Variants in NBL1 observed in about 807,000 individuals in gnomAD.
The protein encoded by NBL1 is neuroblastoma suppressor of tumorigenicity 1.
Under a neutral mutation model 16.0 loss-of-function variants are expected in NBL1, and 9 were observed. That is an observed-to-expected ratio of 0.56 (90% CI 0.34 to 0.98). The LOEUF is 0.98. Among genes scored for constraint, NBL1 ranks in the 50% least tolerant of loss-of-function variants. The pLI is 0.02. For synonymous variants in NBL1, 86 were observed against 100.7 expected (o/e 0.85, Z 0.87); for missense variants, 196 against 243.1 (o/e 0.81, Z 1.29).
At chr1:19,647,486 C>T (rs2094988019) in intron 1 of NBL1, 1 of 323,326 alleles carries the variant, frequency 3.1e-6, no homozygotes. Context: ...ATTTGAACCC[C>T]AGTCTGTCAT....
intron 1 of NBL1, among the ~76,000 whole-genome samples, chr1:19,650,902 G>T (rs950467337): frequency 1.3e-5 from 2 of 152,228 alleles, no homozygotes; most frequent in Admixed American, 6.5e-5. Flanking sequence ...GCGGAGGCAG[G>T]TGTGTCTGGA....
intron 1 of NBL1, chr1:19,646,120 C>T (rs921723955): frequency 4.1e-6 from 6 of 1,463,622 alleles, no homozygotes; most frequent in African/African-American, 1.4e-5. Flanking sequence ...GGCACGGGGT[C>T]GGCCCTGTGT....
intron 1 of NBL1, chr1:19,646,027 G>A (rs1320252009): frequency 1.9e-6 from 3 of 1,550,532 alleles, no homozygotes; most frequent in East Asian, 4.9e-5. Context: ...GGGCAGGAGG[G>A]TCTGCGGTAA....
intron 1 of NBL1, chr1:19,645,620 C>G (rs1182747547): frequency 1.9e-6 from 2 of 1,078,062 alleles, no homozygotes; most frequent in Non-Finnish European, 2.3e-6. Flanking sequence ...GGAATGGGGC[C>G]TCCCTAGACT....
chr1:19,649,809 G>A (rs2095012080), intron 1 of NBL1, among the ~76,000 whole-genome samples: 1 of 151,954 alleles, frequency 6.6e-6, no homozygotes, highest in African/African-American at 2.4e-5. Flanking sequence ...CCACAGGCAT[G>A]CACCACCACA....
chr1:19,651,025 G>C (rs944900068), intron 1 of NBL1, among the ~76,000 whole-genome samples: 2 of 152,184 alleles, frequency 1.3e-5, no homozygotes, highest in African/African-American at 4.8e-5. Flanking sequence ...GGGGGGAAGA[G>C]AGCTGACCTT....
At chr1:19,644,075 C>T (rs1290097197), upstream of NBL1, 4 of 975,208 alleles carry the variant, frequency 4.1e-6, no homozygotes, top group African/African-American at 5.3e-5. This position sits in a 1 kb window ranked among gnomAD's most constrained non-coding sequence, Gnocchi z 4.6. Context: ...TCCCGGCCGC[C>T]CCACCACGCC....
chr1:19,657,213 GC>G lies in NBL1; in HGVS notation c.*90del. 1 of 642,998 alleles carries G rather than the reference GC, an allele frequency of 1.6e-6. No individual in the cohort carries two copies. 39.8% of individuals were successfully genotyped at this position (642,998 alleles called of 1,614,324 possible). ...TGGGGAAGTCAGGGGAGAAGCTGAA[GC>G]CCCCCTTTGGCACTGGATGGACTTG... On this transcript the variant is annotated 3_prime_UTR_variant, in exon 4 of 4. Coordinates refer to ENST00000375136, the MANE Select transcript of NBL1 (RefSeq NM_005380.8).
chr1:19,644,266 C>G (rs905811682), upstream of NBL1: 2 of 979,126 alleles, frequency 2.0e-6, no homozygotes, highest in African/African-American at 1.8e-5. The surrounding 1 kb of genome is among the most constrained non-coding windows in gnomAD (Gnocchi z 4.6). Context: ...GGGAGCCACC[C>G]TGACGTCGGA....
At chr1:19,653,868 C>T (rs563814372) in intron 1 of NBL1, among the ~76,000 whole-genome samples, 1 of 152,366 alleles carries the variant, frequency 6.6e-6, no homozygotes, top group East Asian at 1.9e-4. Context: ...CCTGCAGCGC[C>T]ACCTTTTGGC....
intron 1 of NBL1, among the ~76,000 whole-genome samples, chr1:19,649,383 A>G (rs10917508): frequency 0.65 from 99,131 of 151,576 alleles, 33,261 homozygotes; most frequent in African/African-American, 0.79. Flanking sequence ...TTTTGAGATG[A>G]AGTCTCGCTC....
chr1:19,644,566 C>G lies in NBL1; in HGVS notation c.-20+120C>G, dbSNP rs2094966220. On this transcript the variant is annotated intron_variant, in intron 1 of 3. Coordinates refer to ENST00000375136, the MANE Select transcript of NBL1 (RefSeq NM_005380.8). This position sits in a 1 kb window ranked among gnomAD's most constrained non-coding sequence, Gnocchi z 4.6. ...CGGCGCGTCCGGCGGCCGCGGGCAC[C>G]GGGTGGAGGCGCCGCCGCCGAGCTC... is the stretch of plus-strand genomic sequence containing the variant. 1.9e-6 allele frequency: 1 copy of G among 521,534 alleles called. No individual in the cohort carries two copies. The highest frequency in any genetic ancestry group is 6.5e-5 in the Admixed American group (1 of 15,364). The allele number at this position is 521,534 out of a possible 1,614,324, so 32.3% of individuals were successfully genotyped here. A position where few individuals can be genotyped will look rare whatever the true frequency, so the allele number is the denominator to read the frequency against.
chr1:19,647,876 TGTGTGTGC>T (rs1558360912), intron 1 of NBL1, among the ~76,000 whole-genome samples: 26 of 145,536 alleles, frequency 1.8e-4, no homozygotes, highest in East Asian at 3.9e-4. Flanking sequence ...CGTGTGTGTG[TGTGTGTGC>T]GTGTGCGCGC....
At chr1:19,650,871 CG>C (rs35942564) in intron 1 of NBL1, among the ~76,000 whole-genome samples, 2 of 152,112 alleles carry the variant, frequency 1.3e-5, no homozygotes, top group South Asian at 4.1e-4. Context: ...CTGGGCTCTT[CG>C]GGGCTGGGCA....
chr1:19,647,546 G>C (rs114669249), intron 1 of NBL1: 33,568 of 936,376 alleles, frequency 0.036, 604 homozygotes, highest in African/African-American at 0.042. Context: ...TAGTGAGTGT[G>C]GGGGGAGAGG....
chr1:19,654,100 A>G (rs2095042939), intron 1 of NBL1, among the ~76,000 whole-genome samples: 1 of 152,182 alleles, frequency 6.6e-6, no homozygotes, highest in South Asian at 2.1e-4. Context: ...AGGTCTGGCC[A>G]GCCAAGGTGG....
upstream of NBL1, chr1:19,643,733 A>G (rs2094960919): frequency 2.8e-6 from 3 of 1,085,814 alleles, no homozygotes; most frequent in Non-Finnish European, 3.4e-6. This position sits in a 1 kb window ranked among gnomAD's most constrained non-coding sequence, Gnocchi z 4.7. Context: ...ACACTAGGCA[A>G]GGCTGAGCAA....
intron 1 of NBL1, chr1:19,645,984 A>G: frequency 1.3e-6 from 2 of 1,550,472 alleles, no homozygotes; most frequent in Non-Finnish European, 1.7e-6. Flanking sequence ...GCTCATTAGC[A>G]TGGATTTGTT....
At chr1:19,648,231 T>C (rs1275102049) in intron 1 of NBL1, among the ~76,000 whole-genome samples, 1 of 152,058 alleles carries the variant, frequency 6.6e-6, no homozygotes, top group African/African-American at 2.4e-5. Flanking sequence ...GCCACTCCTG[T>C]GTATTTAGGG....
Sources: allele counts gnomAD v4.1 joint callset (sites outside exome capture counted in the v4.1 genomes callset), GRCh38; gene constraint gnomAD v4.1.1; non-coding constraint Gnocchi (gnomAD v3.1); transcripts MANE v1.5; gene names NCBI Gene and HGNC (gene_info 2026-07-23, HGNC 2026-07-21).